The following CAPN7 variants were observed in gnomAD, a reference collection of about 807,000 sequenced individuals.
CAPN7 encodes calpain-7.
In CAPN7, 72 loss-of-function variants were observed where a neutral mutation model predicts 115.2. That is an observed-to-expected ratio of 0.63 (90% CI 0.52 to 0.76). CAPN7 has a LOEUF of 0.76. Ranked by LOEUF, CAPN7 falls within the 30% of genes least tolerant of loss-of-function variation. The probability of loss-of-function intolerance (pLI) is 0.00; values close to 1 mark genes in which losing one functional copy is unlikely to be tolerated. For missense variants in CAPN7, 905 were observed against 971.5 expected (o/e 0.93, Z 0.91); for synonymous variants, 344 against 322.3 (o/e 1.07, Z -0.72).
intron 4 of CAPN7, among the ~76,000 whole-genome samples, 172 bp from the exon 5 acceptor site, chr3:15,220,609 G>A (rs1191199957): frequency 6.6e-6 from 1 of 152,166 alleles, no homozygotes; most frequent in Non-Finnish European, 1.5e-5. Flanking sequence ...TGTAAAAGAT[G>A]CTTATCTTTG....
chr3:15,213,021 C>G (rs1374148755), intron 2 of CAPN7, among the ~76,000 whole-genome samples: 1 of 152,124 alleles, frequency 6.6e-6, no homozygotes, highest in Non-Finnish European at 1.5e-5. Flanking sequence ...AAAAACAAGG[C>G]GGTTTACTTT....
chr3:15,228,950 T>A, intron 7 of CAPN7, 24 bp from the exon 8 acceptor site: 1 of 1,539,388 alleles, frequency 6.5e-7, no homozygotes, highest in Non-Finnish European at 9.0e-7. Flanking sequence ...TGAATATGAA[T>A]ATGTTAATTA....
rs750143277 is a variant in CAPN7 at position 15,217,565 on chromosome 3, G to A, written c.352G>A (p.Asp118Asn). The A allele has an allele frequency of 9.9e-6, 16 of 1,612,424 alleles. No homozygotes were observed. The South Asian group carries it at 1.8e-4, about 18-fold the overall frequency. ...DAIELYTEAVDLCLKTSYETA... is the reference protein window; with the variant it reads ...DAIELYTEAVNLCLKTSYETA... ...TATAGAATTGTACACAGAAGCTGTG[G>A]ATCTCTGTCTGAAAACAGTGTGTAT... The change falls in exon 3 of 21, where the codon GAT (aspartate) becomes AAT (asparagine). Residue 118 changes from aspartate to asparagine, a missense_variant. By Grantham distance (23) the Asp-to-Asn change is conservative. Around this residue, in one of 3 missense-constraint regions of CAPN7, gnomAD observed 271 missense variants for 239.6 expected, o/e 1.13. Coordinates refer to ENST00000253693, the MANE Select transcript of CAPN7 (RefSeq NM_014296.3).
rs1260929746 is a variant in CAPN7, at chr3:15,233,894, T to C, written c.1207T>C (p.Trp403Arg). 1 of 1,604,174 alleles carries C rather than the reference T, an allele frequency of 6.2e-7. No individual in the cohort carries two copies. Among genetic ancestry groups the C allele is most frequent in the Non-Finnish European group, 8.5e-7 (1 of 1,171,864 alleles). The change falls in exon 11 of 21, where the codon TGG becomes CGG. Residue 403 changes from tryptophan (W) to arginine (R), a missense_variant. By Grantham distance (101) the Trp-to-Arg change is moderately radical. This residue lies in a region of CAPN7 where 620 missense variants were observed against 703.4 expected (regional missense o/e 0.88). Coordinates refer to ENST00000253693, the MANE Select transcript of CAPN7 (RefSeq NM_014296.3). ...TATTGATCTTCATGCACTGACTGGCTGGATACCAGAAAGAATTGCTATGCA... is the reference window on the plus strand; with the variant it reads ...TATTGATCTTCATGCACTGACTGGCCGGATACCAGAAAGAATTGCTATGCA... Reference protein sequence around the residue: ...SNIDLHALTGWIPERIAMHSD... With the variant: ...SNIDLHALTGRIPERIAMHSD...
intron 12 of CAPN7, among the ~76,000 whole-genome samples, chr3:15,236,745 A>G (rs925126777): frequency 6.6e-6 from 1 of 152,266 alleles, no homozygotes; most frequent in Non-Finnish European, 1.5e-5. Flanking sequence ...GTAGGCAGTT[A>G]TAACAACTTG....
intron 2 of CAPN7, among the ~76,000 whole-genome samples, chr3:15,213,083 T>C (rs1249043477): frequency 6.6e-6 from 1 of 152,232 alleles, no homozygotes; most frequent in Non-Finnish European, 1.5e-5. Context: ...GCCTGTGTTA[T>C]TGGAACCTCA....
At chr3:15,240,335 AGT>A (rs1394887350) in intron 12 of CAPN7, 136 bp from the exon 13 acceptor site, 1 of 784,324 alleles carries the variant, frequency 1.3e-6, no homozygotes, top group African/African-American at 1.8e-5. Flanking sequence ...ACCTGGTGAA[AGT>A]GTTAAAAATA....
At chr3:15,224,955 G>A (rs1433828830) in intron 6 of CAPN7, among the ~76,000 whole-genome samples, 4 of 152,150 alleles carry the variant, frequency 2.6e-5, no homozygotes, top group Non-Finnish European at 5.9e-5. Context: ...AAACTTTATA[G>A]CATTAATGTT....
intron 2 of CAPN7, among the ~76,000 whole-genome samples, chr3:15,215,534 G>A (rs1338044813): frequency 2.0e-5 from 3 of 152,120 alleles, no homozygotes; most frequent in Non-Finnish European, 4.4e-5. Flanking sequence ...TAATCTTGTT[G>A]TTTCTATGGA....
intron 2 of CAPN7, among the ~76,000 whole-genome samples, chr3:15,214,946 G>T (rs541845328): frequency 6.6e-6 from 1 of 152,208 alleles, no homozygotes; most frequent in African/African-American, 2.4e-5. Context: ...ATTTAGCTGG[G>T]TAGAGGCCAA....
intron 1 of CAPN7, among the ~76,000 whole-genome samples, chr3:15,207,123 A>G (rs188282193): frequency 1.3e-5 from 2 of 152,306 alleles, no homozygotes; most frequent in Admixed American, 1.3e-4. Context: ...CGCTTACACA[A>G]GCCTGAATGG....
At chr3:15,247,281 A>G in intron 18 of CAPN7, 46 bp from the exon 19 acceptor site, 1 of 1,373,204 alleles carries the variant, frequency 7.3e-7, no homozygotes, top group Non-Finnish European at 9.7e-7. Flanking sequence ...TTTAAGTGGA[A>G]TTGGAAATGA....
intron 10 of CAPN7, among the ~76,000 whole-genome samples, chr3:15,233,305 C>T (rs1694801319): frequency 1.3e-5 from 2 of 152,128 alleles, no homozygotes; most frequent in Non-Finnish European, 2.9e-5. Context: ...GATTAGTTTC[C>T]CTGCCAAACC....
At position 15,240,458 on chromosome 3, in the gene CAPN7, T is replaced by G. The variant is rs778521059; in HGVS notation, c.1408-15T>G. ...TTTACAACTTAATGTTATCTCCTGT[T>G]TCTTTTTTATATAGGGGCTGCGATT... On this transcript the variant is annotated splice_polypyrimidine_tract_variant and intron_variant, in intron 12 of 20. Coordinates refer to ENST00000253693, the MANE Select transcript of CAPN7 (RefSeq NM_014296.3). 5 of 1,605,736 alleles carry G rather than the reference T, an allele frequency of 3.1e-6. No individual in the cohort carries two copies. The highest frequency in any genetic ancestry group is 4.2e-6 in the Non-Finnish European group (5 of 1,177,956).
chr3:15,234,201 A>G (rs1694857135), intron 11 of CAPN7, among the ~76,000 whole-genome samples: 3 of 152,192 alleles, frequency 2.0e-5, no homozygotes, highest in African/African-American at 7.2e-5. Context: ...CTGTAATCCC[A>G]GCTACTCAGG....
At chr3:15,219,872 C>T (rs1214619083) in intron 4 of CAPN7, among the ~76,000 whole-genome samples, 4 of 152,172 alleles carry the variant, frequency 2.6e-5, no homozygotes, top group Non-Finnish European at 5.9e-5. Context: ...TGCTGCCTCT[C>T]GTTTGCACTT....
intron 1 of CAPN7, among the ~76,000 whole-genome samples, chr3:15,208,055 A>G (rs1476308461): frequency 6.6e-6 from 1 of 152,200 alleles, no homozygotes; most frequent in Admixed American, 6.5e-5. Flanking sequence ...TTGTGCTATG[A>G]CATTATGATG....
At position 15,206,382 on chromosome 3, in the gene CAPN7, G is replaced by C; in HGVS notation, c.-114G>C. 1 of 729,078 alleles carries C rather than the reference G, an allele frequency of 1.4e-6. No individual in the cohort carries two copies. 45.2% of individuals were successfully genotyped at this position (729,078 alleles called of 1,614,324 possible). ...TCCTCCACCGTCCAAAGTAAACTTT[G>C]CCGCTCCTTCCGCGGCGCTCCCGAG... On this transcript the variant is annotated 5_prime_UTR_variant, in exon 1 of 21. Coordinates refer to ENST00000253693, the MANE Select transcript of CAPN7 (RefSeq NM_014296.3).
rs565700014 is a variant in CAPN7 at position 15,226,057 on chromosome 3, ATAT to A, written c.726-1778_726-1776del. Among the ~76,000 whole-genome samples the A allele has an allele frequency of 1.5e-3, 226 of 152,086 alleles. 1 individual carries two copies. The highest frequency in any genetic ancestry group is 5.0e-3 in the African/African-American group (207 of 41,452). On this transcript the variant is annotated intron_variant, in intron 6 of 20. Coordinates refer to ENST00000253693, the MANE Select transcript of CAPN7 (RefSeq NM_014296.3). Reference sequence around the variant, plus strand: ...TAATAAAATAAGCATTATTGAATAAATATTATAATTGTAAGTTTTTTTATTTTT... The same window carrying A: ...TAATAAAATAAGCATTATTGAATAAATATAATTGTAAGTTTTTTTATTTTT...
Sources: gnomAD v4.1 joint callset for allele counts (sites outside exome capture counted in the v4.1 genomes callset) on GRCh38, gnomAD v4.1.1 for gene constraint, gnomAD v4.1.1 regional missense constraint, MANE v1.5 for transcripts, NCBI Gene and HGNC (gene_info 2026-07-23, HGNC 2026-07-21) for gene names.